SPOCK1: variants seen among roughly 807,000 people sequenced by gnomAD.
SPOCK1 encodes the protein SPARC (osteonectin), cwcv and kazal like domains proteoglycan 1.
In SPOCK1, 23 loss-of-function variants were observed where a neutral mutation model predicts 55.3. The ratio of observed to expected loss-of-function variants is 0.42; its 90% CI spans 0.30 to 0.59. The LOEUF (loss-of-function observed/expected upper bound fraction) is 0.59, where lower values mean the gene tolerates loss of function less well. Ranked by LOEUF, SPOCK1 falls within the 20% of genes least tolerant of loss-of-function variation. The pLI is 0.22. For missense variants in SPOCK1, 499 were observed against 552.5 expected (o/e 0.90, Z 0.97); for synonymous variants, 226 against 221.0 (o/e 1.02, Z -0.20).
At chr5:137,135,567 G>A (rs1029325825) in intron 4 of SPOCK1, among the ~76,000 whole-genome samples, 1 of 152,214 alleles carries the variant, frequency 6.6e-6, no homozygotes, top group African/African-American at 2.4e-5. Context: ...GGGCATCTAA[G>A]ACCAGAGTGT....
At chr5:137,428,011 G>T (rs1302694172) in intron 2 of SPOCK1, among the ~76,000 whole-genome samples, 3 of 151,848 alleles carry the variant, frequency 2.0e-5, no homozygotes, top group South Asian at 4.1e-4. Flanking sequence ...TGTGCCAGGA[G>T]TAAGCTCCCT....
intron 2 of SPOCK1, among the ~76,000 whole-genome samples, chr5:137,432,405 A>G (rs1752767260): frequency 1.1e-5 from 1 of 94,638 alleles, no homozygotes; most frequent in African/African-American, 4.2e-5. Context: ...ATATAATACA[A>G]CGAAATATTA....
intron 2 of SPOCK1, among the ~76,000 whole-genome samples, chr5:137,387,157 C>A: frequency 6.6e-6 from 1 of 152,196 alleles, no homozygotes; most frequent in East Asian, 1.9e-4. Context: ...ACACTGACAC[C>A]ACCAAATGCT....
At chr5:137,096,363 G>A (rs1040131414) in intron 5 of SPOCK1, among the ~76,000 whole-genome samples, 2 of 152,058 alleles carry the variant, frequency 1.3e-5, no homozygotes, top group Non-Finnish European at 2.9e-5. Context: ...AGGTACTTGG[G>A]AGATGGTACC....
intron 2 of SPOCK1, among the ~76,000 whole-genome samples, chr5:137,432,688 T>C (rs1273429158): frequency 6.6e-6 from 1 of 152,350 alleles, no homozygotes; most frequent in Non-Finnish European, 1.5e-5. Flanking sequence ...TGCACTACAA[T>C]GTGAATATAC....
intron 5 of SPOCK1, among the ~76,000 whole-genome samples, chr5:137,090,095 A>G (rs946996362): frequency 3.9e-5 from 6 of 152,230 alleles, no homozygotes; most frequent in Admixed American, 2.0e-4. Context: ...ATGGCCCATC[A>G]CTTAGAACAA....
At chr5:137,350,845 T>A (rs927470142) in intron 2 of SPOCK1, among the ~76,000 whole-genome samples, 1 of 152,174 alleles carries the variant, frequency 6.6e-6, no homozygotes, top group Admixed American at 6.5e-5. Flanking sequence ...GTGTGTGTAA[T>A]GTAGCATCAA....
intron 6 of SPOCK1, among the ~76,000 whole-genome samples, chr5:137,066,452 T>A (rs546771185): frequency 6.6e-6 from 1 of 152,208 alleles, no homozygotes; most frequent in Non-Finnish European, 1.5e-5. Flanking sequence ...AACATGGCAA[T>A]GTCTAGCCTC....
In SPOCK1 at chr5:137,383,240, G is replaced by GA. The variant is rs201819628; in HGVS notation, c.186+115132dup. Among the ~76,000 whole-genome samples the GA allele has an allele frequency of 1.8e-3, 274 of 151,476 alleles. 2 individuals are homozygous for GA. The highest frequency in any genetic ancestry group is 6.0e-3 in the African/African-American group (248 of 41,290). On this transcript the variant is annotated intron_variant, in intron 2 of 10. Coordinates refer to ENST00000394945, the MANE Select transcript of SPOCK1 (RefSeq NM_004598.4). ...GATACTTAAGTTTAAGAAAATCAGG[G>GA]AAAAAAAAATCTTAAAGTCTTAGCA...
intron 3 of SPOCK1, among the ~76,000 whole-genome samples, chr5:137,163,909 C>G (rs1017980113): frequency 3.3e-5 from 5 of 152,172 alleles, no homozygotes; most frequent in African/African-American, 9.7e-5. Context: ...ATATATTGCT[C>G]ATATTTCTTT....
At chr5:137,356,838 T>TATATATATATATAGAGAGAG (rs1554077335) in intron 2 of SPOCK1, among the ~76,000 whole-genome samples, 1 of 5,460 alleles carries the variant, frequency 1.8e-4, no homozygotes, top group Non-Finnish European at 3.1e-4. Flanking sequence ...TATATATATA[T>TATATATATATATAGAGAGAG]AGAGAGAGAG....
intron 3 of SPOCK1, among the ~76,000 whole-genome samples, chr5:137,173,047 C>G (rs920751925): frequency 6.6e-6 from 1 of 152,174 alleles, no homozygotes; most frequent in African/African-American, 2.4e-5. Flanking sequence ...TTCTTGCCCC[C>G]AATCTCCCAT....
intron 2 of SPOCK1, among the ~76,000 whole-genome samples, chr5:137,367,429 C>A (rs1311114203): frequency 6.6e-6 from 1 of 152,192 alleles, no homozygotes; most frequent in Non-Finnish European, 1.5e-5. Flanking sequence ...ATTTCTAGAG[C>A]AGCTCCAGGG....
chr5:137,385,254 G>A (rs951892819), intron 2 of SPOCK1, among the ~76,000 whole-genome samples: 1 of 152,120 alleles, frequency 6.6e-6, no homozygotes, highest in African/African-American at 2.4e-5. Flanking sequence ...GTATTACTAA[G>A]AGTGTGTGGT....
intron 2 of SPOCK1, among the ~76,000 whole-genome samples, chr5:137,272,459 A>C (rs1186529718): frequency 1.3e-5 from 2 of 152,190 alleles, no homozygotes; most frequent in African/African-American, 4.8e-5. Flanking sequence ...AAAACACTCC[A>C]TTTATTAAGA....
intron 2 of SPOCK1, among the ~76,000 whole-genome samples, chr5:137,359,020 A>G (rs530217188): frequency 6.6e-6 from 1 of 152,328 alleles, no homozygotes; most frequent in South Asian, 2.1e-4. Flanking sequence ...AAAATTGTCT[A>G]TCACAGCCAG....
chr5:137,037,641 T>A (rs977120597), intron 6 of SPOCK1, among the ~76,000 whole-genome samples: 4 of 152,140 alleles, frequency 2.6e-5, no homozygotes, highest in African/African-American at 9.7e-5. Context: ...ATACATATAC[T>A]CCCTTAGCCT....
At chr5:137,291,171 T>C (rs894237888) in intron 2 of SPOCK1, among the ~76,000 whole-genome samples, 1 of 152,066 alleles carries the variant, frequency 6.6e-6, no homozygotes, top group Admixed American at 6.5e-5. Context: ...AATCCATCCA[T>C]CTGCCTCAGC....
intron 2 of SPOCK1, among the ~76,000 whole-genome samples, chr5:137,307,479 C>T (rs1561499858): frequency 6.6e-6 from 1 of 152,242 alleles, no homozygotes; most frequent in Non-Finnish European, 1.5e-5. Context: ...CTGCACTATG[C>T]TGAAGCTTCT....
Sources: allele counts gnomAD v4.1 joint callset (sites outside exome capture counted in the v4.1 genomes callset), GRCh38; gene constraint gnomAD v4.1.1; transcripts MANE v1.5; gene names NCBI Gene and HGNC (gene_info 2026-07-23, HGNC 2026-07-21).